TRADD: variants seen among roughly 807,000 people sequenced by gnomAD.
TRADD encodes TNFRSF1A associated via death domain.
TRADD carries 14 observed loss-of-function variants against 31.5 expected under a neutral mutation model. The observed-to-expected ratio is 0.44, with a 90% confidence interval of 0.29 to 0.69. TRADD has a LOEUF of 0.69. Ranked by LOEUF, TRADD falls within the 30% of genes least tolerant of loss-of-function variation. The pLI is 0.11. For missense variants in TRADD, 388 were observed against 435.7 expected (o/e 0.89, Z 0.97); for synonymous variants, 220 against 215.8 (o/e 1.02, Z -0.17).
In TRADD at chr16:67,156,610, C is replaced by T; in HGVS notation, c.51G>A (p.Leu17=). ...CCTTGTCCAGCGAGGACTCCACAAA[C>T]AGGTATGCGCTGCCCACCCACTCTT... ...GHEEWVGSAY[L]FVESSLDKVV... is the part of the protein sequence containing the mutation. Residue 17 remains leucine (L), a synonymous_variant, in exon 2 of 5, where the codon CTG becomes CTA. Transcript: ENST00000345057. The surrounding 1 kb of genome is among the most constrained non-coding windows in gnomAD (Gnocchi z 4.6). The T allele has an allele frequency of 6.2e-7, 1 of 1,614,148 alleles. No individual in the cohort carries two copies. The highest frequency in any genetic ancestry group is 2.2e-5 in the East Asian group (1 of 44,876).
intron 3 of TRADD, 37 bp downstream of exon 3, chr16:67,155,340 C>T: frequency 6.2e-7 from 1 of 1,605,626 alleles, no homozygotes; most frequent in Non-Finnish European, 8.5e-7. Flanking sequence ...ACCGCGGATC[C>T]CCGCCCTACC....
At position 67,156,396 on chromosome 16, in the gene TRADD, T is replaced by G. The variant is rs2030698555; in HGVS notation, c.151+114A>C. The G allele has an allele frequency of 4.0e-6, 6 of 1,509,404 alleles. No homozygotes were observed. The Admixed American group carries it at 5.2e-5, about 13-fold the overall frequency. 93.5% of individuals were successfully genotyped at this position (1,509,404 alleles called of 1,614,324 possible). A position where few individuals can be genotyped will look rare whatever the true frequency, so the allele number is the denominator to read the frequency against. On this transcript the variant is annotated intron_variant, in intron 2 of 4. Transcript: ENST00000345057. The surrounding 1 kb of genome is among the most constrained non-coding windows in gnomAD (Gnocchi z 4.6). ...AGAGAGTCTGCACAGCCAGGGGTCCTCCGTCTTGCTCCTCCCACCCCAAAT... is the reference window on the plus strand; with the variant it reads ...AGAGAGTCTGCACAGCCAGGGGTCCGCCGTCTTGCTCCTCCCACCCCAAAT...
Position 67,155,115 on chromosome 16 carries a change from C to T in TRADD, c.609G>A (p.Leu203=). Residue 203 remains leucine (L), a synonymous_variant, in exon 4 of 5, where the codon CTG becomes CTA. Coordinates refer to ENST00000345057, the MANE Select transcript of TRADD (RefSeq NM_003789.4). ...PPPPPPAQTF[L]FQGQPVVNRP... ...CCTCACCTACAGGCTGACCCTGGAACAGAAAAGTCTGGGCAGGTGGCGGCG... is the reference window on the plus strand; with the variant it reads ...CCTCACCTACAGGCTGACCCTGGAATAGAAAAGTCTGGGCAGGTGGCGGCG... 1.9e-6 allele frequency: 3 copies of T among 1,544,438 alleles called. No homozygotes were observed. In the South Asian group the frequency reaches 3.6e-5, roughly 18 times the overall value.
chr16:67,155,874 GT>G, intron 2 of TRADD: 1 of 1,519,056 alleles, frequency 6.6e-7, no homozygotes, highest in Non-Finnish European at 8.8e-7. Context: ...CTAAGACAGA[GT>G]GGGTGCCACC....
Position 67,154,803 on chromosome 16 carries a change from T to C in TRADD, c.785A>G (p.Tyr262Cys). The stretch of plus-strand genomic sequence containing the variant: ...CCGCAGCAGCTGGAAGGCCTGCTCG[T>C]ACAGTCCCTCGCGCTCGTACTCGTA... ...LAYEYEREGLYEQAFQLLRRF... is the reference protein window; with the variant it reads ...LAYEYEREGLCEQAFQLLRRF... The change falls in exon 5 of 5, where the codon TAC (tyrosine) becomes TGC (cysteine). Residue 262 changes from tyrosine (Y) to cysteine (C), a missense_variant. By Grantham distance (194) the Tyr-to-Cys change is radical. Transcript: ENST00000345057. The surrounding 1 kb of genome is among the most constrained non-coding windows in gnomAD (Gnocchi z 5.2). 6.3e-7 allele frequency: 1 copy of C among 1,597,018 alleles called. No homozygotes were observed. Among genetic ancestry groups the C allele is most frequent in the Non-Finnish European group, 8.5e-7 (1 of 1,172,794 alleles).
At position 67,154,911 on chromosome 16, in the gene TRADD, A is replaced by G. The variant is rs1345040278; in HGVS notation, c.677T>C (p.Val226Ala). The change falls in exon 5 of 5, where the codon GTG becomes GCG. Residue 226 changes from valine (V) to alanine (A), a missense_variant. By Grantham distance (64) the Val-to-Ala change is moderately conservative. Coordinates refer to ENST00000345057, the MANE Select transcript of TRADD (RefSeq NM_003789.4). This position sits in a 1 kb window ranked among gnomAD's most constrained non-coding sequence, Gnocchi z 5.2. ...LKDQQTFARS[V>A]GLKWRKVGRS... is the part of the protein sequence containing the mutation. ...CCCCACCTTGCGCCATTTGAGACCC[A>G]CAGAGCGCGCGAACGTCTGTTGGTC... 6.2e-7 allele frequency: 1 copy of G among 1,607,472 alleles called. No individual in the cohort carries two copies. The highest frequency in any genetic ancestry group is 8.5e-7 in the Non-Finnish European group (1 of 1,177,320).
chr16:67,155,143 G>C lies in TRADD; in HGVS notation c.581C>G (p.Pro194Arg). ...VPSLSEVKPP[P>R]PPPPAQTFLF... ...AAAAGTCTGGGCAGGTGGCGGCGGC[G>C]GCGGCGGCTTCACCTCCGACAGAGA... The change falls in exon 4 of 5, where the codon CCG (proline) becomes CGG (arginine). Residue 194 changes from proline to arginine, a missense_variant. Pro to Arg is a moderately radical substitution (Grantham distance 103). Transcript: ENST00000345057. 1 of 1,547,726 alleles carries C rather than the reference G, an allele frequency of 6.5e-7. No individual in the cohort carries two copies. The highest frequency in any genetic ancestry group is 8.7e-7 in the Non-Finnish European group (1 of 1,149,998).
intron 1 of TRADD, among the ~76,000 whole-genome samples, chr16:67,158,268 C>A (rs144597727): frequency 2.2e-4 from 33 of 152,374 alleles, no homozygotes; most frequent in African/African-American, 7.9e-4. Context: ...CCAGCTCAAG[C>A]AACCCTCTCA....
At position 67,156,338 on chromosome 16, in the gene TRADD, C is replaced by T. The variant is rs538614513; in HGVS notation, c.151+172G>A. On this transcript the variant is annotated intron_variant, in intron 2 of 4. Transcript: ENST00000345057. The surrounding 1 kb of genome is among the most constrained non-coding windows in gnomAD (Gnocchi z 4.6). ...AATCATACACAGACTCGAGAACACACGCCTATCCTCAAGGTCATGCCACAA... is the reference window on the plus strand; with the variant it reads ...AATCATACACAGACTCGAGAACACATGCCTATCCTCAAGGTCATGCCACAA... The T allele has an allele frequency of 1.0e-5, 12 of 1,187,198 alleles. No individual in the cohort carries two copies. Among genetic ancestry groups the T allele is most frequent in the East Asian group, 7.6e-5 (3 of 39,252 alleles). 73.5% of individuals were successfully genotyped at this position (1,187,198 alleles called of 1,614,324 possible). A position where few individuals can be genotyped will look rare whatever the true frequency, so the allele number is the denominator to read the frequency against.
rs1468283086 is a variant in TRADD, at chr16:67,155,250, C to T, written c.474G>A (p.Ala158=). 2 of 1,608,988 alleles carry T rather than the reference C, an allele frequency of 1.2e-6. No individual in the cohort carries two copies. The highest frequency in any genetic ancestry group is 3.3e-4 in the Middle Eastern group (2 of 6,054). The stretch of plus-strand genomic sequence containing the variant: ...CCGAGCCGCACTTCAGATTTCGCAG[C>T]GCATCCTCCAGCTCAGCCAGTTCTT... ...RDEELAELED[A]LRNLKCGSGA... The change falls in exon 4 of 5, where the codon GCG becomes GCA. Residue 158 remains alanine (A), a synonymous_variant. Coordinates refer to ENST00000345057, the MANE Select transcript of TRADD (RefSeq NM_003789.4).
At chr16:67,155,028 G>A (rs1313292218) in intron 4 of TRADD, 68 bp downstream of exon 4, 2 of 415,708 alleles carry the variant, frequency 4.8e-6, no homozygotes, top group East Asian at 1.5e-4. Flanking sequence ...ATCCCCACCC[G>A]GCAACGACCC....
rs779360488 is a variant in TRADD, at chr16:67,154,614, A to T, written c.*35T>A. On this transcript the variant is annotated 3_prime_UTR_variant, in exon 5 of 5. Coordinates refer to ENST00000345057, the MANE Select transcript of TRADD (RefSeq NM_003789.4). The surrounding 1 kb of genome is among the most constrained non-coding windows in gnomAD (Gnocchi z 5.2). ...TAGCCGCAGAAGGAACCCTAAGGCC[A>T]TCCAGGTTCTCCAAAAGCTGGCTGC... 3 of 1,604,104 alleles carry T rather than the reference A, an allele frequency of 1.9e-6. No homozygotes were observed. Among genetic ancestry groups the T allele is most frequent in the Non-Finnish European group, 1.7e-6 (2 of 1,176,754 alleles).
chr16:67,156,388 A>C lies in TRADD; in HGVS notation c.151+122T>G. On this transcript the variant is annotated intron_variant, in intron 2 of 4. Transcript: ENST00000345057. This position sits in a 1 kb window ranked among gnomAD's most constrained non-coding sequence, Gnocchi z 4.6. ...AGCAAAGAAGAGAGTCTGCACAGCC[A>C]GGGGTCCTCCGTCTTGCTCCTCCCA... The C allele has an allele frequency of 6.9e-7, 1 of 1,454,324 alleles. No homozygotes were observed. Among genetic ancestry groups the C allele is most frequent in the East Asian group, 2.4e-5 (1 of 42,394 alleles). The allele number at this position is 1,454,324 out of a possible 1,614,324, so 90.1% of individuals were successfully genotyped here. A position where few individuals can be genotyped will look rare whatever the true frequency, so the allele number is the denominator to read the frequency against.
intron 1 of TRADD, among the ~76,000 whole-genome samples, chr16:67,157,361 G>A (rs1258401438): frequency 2.0e-5 from 3 of 152,202 alleles, no homozygotes; most frequent in Non-Finnish European, 4.4e-5. Flanking sequence ...TCAGGGCGGG[G>A]TATAGGACTT....
rs745589362 is a variant in TRADD at position 67,154,862 on chromosome 16, C to T, written c.726G>A (p.Arg242=). Residue 242 remains arginine (R), a synonymous_variant, in exon 5 of 5, where the codon CGG becomes CGA. Coordinates refer to ENST00000345057, the MANE Select transcript of TRADD (RefSeq NM_003789.4). This position sits in a 1 kb window ranked among gnomAD's most constrained non-coding sequence, Gnocchi z 5.2. ...AGTCCAGCGCCGGGTCCCGCAGCGC[C>T]CGGCAGCCTCGCTGCAGTGAGCGCC... is the stretch of plus-strand genomic sequence containing the variant. ...KVGRSLQRGC[R]ALRDPALDSL... 2 of 1,597,446 alleles carry T rather than the reference C, an allele frequency of 1.3e-6. No individual in the cohort carries two copies. The highest frequency in any genetic ancestry group is 1.7e-5 in the Admixed American group (1 of 58,310).
In TRADD at chr16:67,155,465, A is replaced by C; in HGVS notation, c.341T>G (p.Leu114Arg). The C allele has an allele frequency of 6.3e-7, 1 of 1,589,758 alleles. No homozygotes were observed. The highest frequency in any genetic ancestry group is 1.3e-5 in the African/African-American group (1 of 74,858). ...AAALAQHSVP[L>R]QLELRAGAER... ...GGCGCCGGCGCGCAGCTCCAGTTGCAGCGGCACCGAGTGCTGGGCGAGCGC... is the reference window on the plus strand; with the variant it reads ...GGCGCCGGCGCGCAGCTCCAGTTGCCGCGGCACCGAGTGCTGGGCGAGCGC... Residue 114 changes from leucine (L) to arginine (R), a missense_variant, in exon 3 of 5, where the codon CTG (leucine) becomes CGG (arginine). Leu to Arg is a moderately radical substitution (Grantham distance 102, BLOSUM62 -2). Transcript: ENST00000345057.
Position 67,155,261 on chromosome 16 carries a change from G to C in TRADD, c.463C>G (p.Leu155Val), listed in dbSNP as rs1026850588. ...DRLRDEELAE[L>V]EDALRNLKCG... ...TTCAGATTTCGCAGCGCATCCTCCA[G>C]CTCAGCCAGTTCTTCATCCCGGAGC... The change falls in exon 4 of 5, where the codon CTG (leucine) becomes GTG (valine). Residue 155 changes from leucine to valine, a missense_variant. Leu to Val is a conservative substitution (Grantham distance 32). Transcript: ENST00000345057. The C allele has an allele frequency of 6.2e-7, 1 of 1,609,970 alleles. No homozygotes were observed. The highest frequency in any genetic ancestry group is 8.5e-7 in the Non-Finnish European group (1 of 1,179,008).
Position 67,156,517 on chromosome 16 carries a change from G to C in TRADD, c.144C>G (p.Ala48=). The change falls in exon 2 of 5, where the codon GCC becomes GCG. Residue 48 remains alanine (A), a synonymous_variant. Transcript: ENST00000345057. This position sits in a 1 kb window ranked among gnomAD's most constrained non-coding sequence, Gnocchi z 4.6. ...KVAVYRALQA[A]LAESGGSPDV... ...GCCCGCCCATCCACGCACCTGCCAA[G>C]GCAGCCTGCAGAGCCCTGTACACTG... 6.2e-7 allele frequency: 1 copy of C among 1,612,606 alleles called. No homozygotes were observed. Among genetic ancestry groups the C allele is most frequent in the South Asian group, 1.1e-5 (1 of 91,088 alleles).
intron 1 of TRADD, among the ~76,000 whole-genome samples, chr16:67,158,113 C>T (rs2030766480): frequency 6.6e-6 from 1 of 152,194 alleles, no homozygotes; most frequent in Non-Finnish European, 1.5e-5. Context: ...CTGCCCTGGC[C>T]TCCCAAAGTG....
Sources: gnomAD v4.1 joint callset for allele counts (sites outside exome capture counted in the v4.1 genomes callset) on GRCh38, gnomAD v4.1.1 for gene constraint, Gnocchi (gnomAD v3.1) non-coding constraint, MANE v1.5 for transcripts, NCBI Gene and HGNC (gene_info 2026-07-23, HGNC 2026-07-21) for gene names.